The following CLIC6 variants were observed in gnomAD, a reference collection of about 807,000 sequenced individuals.
The protein encoded by CLIC6 is CLIC family member 6, also known as chloride intracellular channel protein 6.
Under a neutral mutation model 49.2 loss-of-function variants are expected in CLIC6, and 39 were observed. That is an observed-to-expected ratio of 0.79 (90% CI 0.61 to 1.04). The LOEUF is 1.04. CLIC6 is among the 50% of genes least tolerant of loss of function. The probability of loss-of-function intolerance (pLI) is 0.00; values close to 1 mark genes in which losing one functional copy is unlikely to be tolerated. For missense variants in CLIC6, 988 were observed against 993.1 expected, an observed-to-expected ratio of 0.99 and a Z score of 0.07; for synonymous variants, 446 against 433.4, an observed-to-expected ratio of 1.03 and a Z score of -0.36.
chr21:34,708,236 G>A (rs2056030615), intron 3 of CLIC6, among the ~76,000 whole-genome samples, 167 bp downstream of exon 3: 1 of 152,142 alleles, frequency 6.6e-6, no homozygotes, highest in Admixed American at 6.5e-5. Context: ...GGGGACCTGG[G>A]TTTCATTGTG....
chr21:34,683,290 C>T (rs1229498113), intron 1 of CLIC6, among the ~76,000 whole-genome samples: 1 of 152,204 alleles, frequency 6.6e-6, no homozygotes, highest in Non-Finnish European at 1.5e-5. Context: ...TCGCTTTGAT[C>T]TTTGCATAAT....
chr21:34,709,422 G>C lies in CLIC6; in HGVS notation c.1783G>C (p.Asp595His), dbSNP rs761849510. The C allele has an allele frequency of 5.0e-5, 81 of 1,613,948 alleles. No homozygotes were observed. In the Admixed American group the frequency reaches 1.3e-3, roughly 26 times the overall value. ...TAATTACTTAAATAGCCCTCTGCCT[G>C]ATGAAATAGATGCCTACAGCACCGA... ...LDNYLNSPLP[D>H]EIDAYSTEDV... Residue 595 changes from aspartate (D) to histidine (H), a missense_variant, in exon 5 of 6, where the codon GAT becomes CAT. Transcript: ENST00000349499.
intron 5 of CLIC6, among the ~76,000 whole-genome samples, 166 bp downstream of exon 5, chr21:34,709,704 C>G (rs2056042831): frequency 6.6e-6 from 1 of 152,234 alleles, no homozygotes; most frequent in Admixed American, 6.5e-5. Flanking sequence ...TTCACACACA[C>G]AGAAGATGGG....
At chr21:34,706,599 A>G (rs560304984) in intron 1 of CLIC6, among the ~76,000 whole-genome samples, 1 of 152,158 alleles carries the variant, frequency 6.6e-6, no homozygotes, top group East Asian at 1.9e-4. Context: ...CTGAGACAAT[A>G]GTATCTTCCA....
In CLIC6 at chr21:34,707,375, A is replaced by T; in HGVS notation, c.1470A>T (p.Thr490=). The T allele has an allele frequency of 6.2e-7, 1 of 1,612,018 alleles. No individual in the cohort carries two copies. The highest frequency in any genetic ancestry group is 8.5e-7 in the Non-Finnish European group (1 of 1,178,182). ...AAGGCGTTATATTTAATGTGACCACAGTGGACCTGAAAAGGTAAGACAAGG... is the reference window on the plus strand; with the variant it reads ...AAGGCGTTATATTTAATGTGACCACTGTGGACCTGAAAAGGTAAGACAAGG... ...WLKGVIFNVT[T]VDLKRKPADL... Residue 490 remains threonine (T), a synonymous_variant, in exon 2 of 6, where the codon ACA becomes ACT. Coordinates refer to ENST00000349499, the MANE Select transcript of CLIC6 (RefSeq NM_053277.3).
At chr21:34,708,436 C>T (rs948103527) in intron 3 of CLIC6, among the ~76,000 whole-genome samples, 3 of 152,136 alleles carry the variant, frequency 2.0e-5, no homozygotes. Flanking sequence ...ACTAGGGAAG[C>T]ACCTGAGACC....
chr21:34,690,368 T>G lies in CLIC6; in HGVS notation c.1375-16912T>G, dbSNP rs568933156. Reference sequence around the variant, plus strand: ...CTGCTGGTACCTTATTGTAAAATATTTGCAAGTTATTCTCTGTAGAGAATA... The same window carrying G: ...CTGCTGGTACCTTATTGTAAAATATGTGCAAGTTATTCTCTGTAGAGAATA... On this transcript the variant is annotated intron_variant, in intron 1 of 5. Coordinates refer to ENST00000349499, the MANE Select transcript of CLIC6 (RefSeq NM_053277.3). Among the ~76,000 whole-genome samples the G allele has an allele frequency of 2.6e-5, 4 of 152,326 alleles. No individual in the cohort carries two copies. The East Asian group carries it at 5.8e-4, about 22-fold the overall frequency.
intron 2 of CLIC6, among the ~76,000 whole-genome samples, 183 bp from the exon 3 acceptor site, chr21:34,707,761 G>A (rs1200153750): frequency 6.6e-6 from 1 of 152,162 alleles, no homozygotes; most frequent in Non-Finnish European, 1.5e-5. Flanking sequence ...ACCTCAACAA[G>A]CCCATCATTT....
At chr21:34,702,407 G>A (rs758977850) in intron 1 of CLIC6, among the ~76,000 whole-genome samples, 95 of 152,136 alleles carry the variant, frequency 6.2e-4, no homozygotes, top group Non-Finnish European at 1.3e-4. Context: ...GGGCTCCCGC[G>A]TGTCTCTTTC....
In CLIC6 at chr21:34,670,629, G is replaced by C. The variant is rs1278719030; in HGVS notation, c.1241G>C (p.Ser414Thr). ...GCCGCGGAGCCTGAGGCCCAGCTCA[G>C]CAACCACCTGGCCGAGGAGGGCCCC... ...RGAAEPEAQL[S>T]NHLAEEGPAE... Residue 414 changes from serine (S) to threonine (T), a missense_variant, in exon 1 of 6, where the codon AGC becomes ACC. By Grantham distance (58) the Ser-to-Thr change is moderately conservative. Around this residue, in one of 3 missense-constraint regions of CLIC6, gnomAD observed 647 missense variants for 596.9 expected, o/e 1.08. Transcript: ENST00000349499. The C allele has an allele frequency of 1.9e-6, 3 of 1,551,670 alleles. No individual in the cohort carries two copies. The highest frequency in any genetic ancestry group is 1.9e-5 in the Admixed American group (1 of 51,778).
intron 2 of CLIC6, among the ~76,000 whole-genome samples, chr21:34,707,688 G>A (rs2056025263): frequency 6.6e-6 from 1 of 152,220 alleles, no homozygotes; most frequent in South Asian, 2.1e-4. Context: ...ACACTGGGGA[G>A]AGTTAACTTT....
chr21:34,715,128 C>T (rs1183375994), intron 5 of CLIC6, among the ~76,000 whole-genome samples: 2 of 152,222 alleles, frequency 1.3e-5, no homozygotes, highest in African/African-American at 4.8e-5. Context: ...CCCATGCCTG[C>T]ATCATGCAGA....
intron 5 of CLIC6, among the ~76,000 whole-genome samples, chr21:34,710,123 A>G (rs558007501): frequency 6.6e-6 from 1 of 152,034 alleles, no homozygotes; most frequent in Non-Finnish European, 1.5e-5. Context: ...AAATAAAAAA[A>G]AAAAATTAGC....
rs1240716334 is a variant in CLIC6, at chr21:34,669,386, G to T, written c.-3G>T. 1 of 1,238,468 alleles carries T rather than the reference G, an allele frequency of 8.1e-7. No individual in the cohort carries two copies. The highest frequency in any genetic ancestry group is 3.1e-5 in the East Asian group (1 of 32,000). The allele number at this position is 1,238,468 out of a possible 1,614,324, so 76.7% of individuals were successfully genotyped here. On this transcript the variant is annotated 5_prime_UTR_variant, in exon 1 of 6. Coordinates refer to ENST00000349499, the MANE Select transcript of CLIC6 (RefSeq NM_053277.3). ...TCCCGATCAAGGACAGGGATCTGCG[G>T]CCATGGCCGAGGCCGCGGAGCCGGA...
Position 34,716,305 on chromosome 21 carries a change from T to G in CLIC6, c.1900-16T>G. Reference sequence around the variant, plus strand: ...GCAAGTTTTCCCTTTACTGATCATTTTCTCTTCATTTTCAGATTGTGGCCA... The same window carrying G: ...GCAAGTTTTCCCTTTACTGATCATTGTCTCTTCATTTTCAGATTGTGGCCA... On this transcript the variant is annotated splice_polypyrimidine_tract_variant and intron_variant, in intron 5 of 5. Transcript: ENST00000349499. 1 of 1,608,258 alleles carries G rather than the reference T, an allele frequency of 6.2e-7. No homozygotes were observed. The highest frequency in any genetic ancestry group is 8.5e-7 in the Non-Finnish European group (1 of 1,177,758).
intron 3 of CLIC6, 46 bp downstream of exon 3, chr21:34,708,115 C>G (rs775066728): frequency 6.2e-7 from 1 of 1,609,352 alleles, no homozygotes; most frequent in Non-Finnish European, 8.5e-7. Context: ...GTCACTTTCC[C>G]CCACTAGTAG....
chr21:34,678,131 C>G (rs1311579415), intron 1 of CLIC6, among the ~76,000 whole-genome samples: 1 of 21,150 alleles, frequency 4.7e-5, no homozygotes, highest in African/African-American at 2.1e-4. Flanking sequence ...ATTACTGGGC[C>G]CTTTAAGAAA....
At chr21:34,681,292 CA>C (rs1392408210) in intron 1 of CLIC6, among the ~76,000 whole-genome samples, 2 of 152,208 alleles carry the variant, frequency 1.3e-5, no homozygotes, top group Admixed American at 6.5e-5. Context: ...ACAAGAACAG[CA>C]TGGGGGAAAC....
intron 1 of CLIC6, among the ~76,000 whole-genome samples, chr21:34,681,861 A>C (rs1989785768): frequency 1.3e-5 from 2 of 152,256 alleles, no homozygotes; most frequent in African/African-American, 4.8e-5. Flanking sequence ...GAAAAGGCAA[A>C]GAATTTGTGG....
Sources: allele counts gnomAD v4.1 joint callset (sites outside exome capture counted in the v4.1 genomes callset), GRCh38; gene constraint gnomAD v4.1.1; regional missense constraint gnomAD v4.1.1; transcripts MANE v1.5; gene names NCBI Gene and HGNC (gene_info 2026-07-23, HGNC 2026-07-21).